SMG5: variants seen among roughly 807,000 people sequenced by gnomAD.
SMG5 encodes the protein nonsense-mediated mRNA decay factor SMG5.
In SMG5, 53 loss-of-function variants were observed where a neutral mutation model predicts 122.9. The observed-to-expected ratio is 0.43, with a 90% CI of 0.35 to 0.54. The LOEUF (loss-of-function observed/expected upper bound fraction) is 0.54. SMG5 is among the 20% of genes least tolerant of loss of function. The pLI is 0.01. For synonymous variants in SMG5, 477 were observed against 490.2 expected, an observed-to-expected ratio of 0.97 and a Z score of 0.35; for missense variants, 1,153 against 1,285.6, an observed-to-expected ratio of 0.90 and a Z score of 1.58.
At chr1:156,283,499 G>A (rs183833154), upstream of SMG5, among the ~76,000 whole-genome samples, 23 of 151,840 alleles carry the variant, frequency 1.5e-4, no homozygotes, top group Admixed American at 1.3e-3. Flanking sequence ...ATAGAAATGA[G>A]AAGCTAGTCC....
chr1:156,267,488 G>A lies in SMG5; in HGVS notation c.1099C>T (p.His367Tyr), dbSNP rs1284397876. 35 of 1,614,030 alleles carry A rather than the reference G, an allele frequency of 2.2e-5. No homozygotes were observed. The highest frequency in any genetic ancestry group is 3.0e-5 in the Non-Finnish European group (35 of 1,180,014). ...AGGTTACCTGCTCTCTCCAAGCTGT[G>A]CACACACATAAGGCAGATGATGACC... ...QMVIICLMCV[H>Y]SLERAGSKQY... Residue 367 changes from histidine (H) to tyrosine (Y), a missense_variant, in exon 10 of 22, where the codon CAC becomes TAC. Physicochemically the swap from His to Tyr is moderately conservative, Grantham distance 83. Transcript: ENST00000361813.
In SMG5 at chr1:156,279,011, C is replaced by G; in HGVS notation, c.98G>C (p.Arg33Pro). The G allele has an allele frequency of 6.2e-7, 1 of 1,614,088 alleles. No individual in the cohort carries two copies. The highest frequency in any genetic ancestry group is 8.5e-7 in the Non-Finnish European group (1 of 1,180,014). Reference sequence around the variant, plus strand: ...TTTGTTGCAAAGGATGAGGTCAAGTCGATGCACAGCCTCCACCACAGCCCT... The same window carrying G: ...TTTGTTGCAAAGGATGAGGTCAAGTGGATGCACAGCCTCCACCACAGCCCT... ...LYRAVVEAVH[R>P]LDLILCNKTA... Residue 33 changes from arginine (R) to proline (P), a missense_variant, in exon 2 of 22, where the codon CGA (arginine) becomes CCA (proline). By Grantham distance (103) the Arg-to-Pro change is moderately radical. Coordinates refer to ENST00000361813, the MANE Select transcript of SMG5 (RefSeq NM_015327.3).
upstream of SMG5, chr1:156,283,045 AG>A: frequency 2.2e-6 from 1 of 448,802 alleles, no homozygotes; most frequent in Non-Finnish European, 3.9e-6. Context: ...AGGCGGCCAA[AG>A]CTTAACTGGA....
chr1:156,285,121 T>C (rs1013378639), upstream of SMG5: 25 of 1,417,700 alleles, frequency 1.8e-5, no homozygotes, highest in Admixed American at 2.7e-5. Flanking sequence ...ATGAGTTCTG[T>C]CAACCTGTCC....
At chr1:156,259,608 C>T (rs374814779) in intron 15 of SMG5, among the ~76,000 whole-genome samples, 1 of 152,130 alleles carries the variant, frequency 6.6e-6, no homozygotes, top group Admixed American at 6.5e-5. Context: ...CAGCTCACTG[C>T]AGCCTCTACC....
At chr1:156,260,369 C>T (rs1170486163) in intron 15 of SMG5, 82 bp downstream of exon 15, 2 of 1,493,422 alleles carry the variant, frequency 1.3e-6, no homozygotes, top group Admixed American at 4.5e-5. Context: ...GCATCCTGCC[C>T]CCTCCCTCCC....
intron 7 of SMG5, among the ~76,000 whole-genome samples, chr1:156,270,865 G>C (rs913611489): frequency 6.6e-6 from 1 of 152,120 alleles, no homozygotes; most frequent in African/African-American, 2.4e-5. Flanking sequence ...AAATTAGCCA[G>C]GCGTTGTGGT....
At chr1:156,272,930 T>TG (rs1187069894) in intron 6 of SMG5, among the ~76,000 whole-genome samples, 1 of 152,172 alleles carries the variant, frequency 6.6e-6, no homozygotes, top group Non-Finnish European at 1.5e-5. Context: ...CCTGAATTGA[T>TG]GGAGTACCAT....
chr1:156,268,598 T>C (rs1662264584), intron 7 of SMG5, among the ~76,000 whole-genome samples, 183 bp from the exon 8 acceptor site: 1 of 152,196 alleles, frequency 6.6e-6, no homozygotes, highest in Non-Finnish European at 1.5e-5. Flanking sequence ...ACATAACTTC[T>C]AGATTAGTCA....
intron 10 of SMG5, among the ~76,000 whole-genome samples, chr1:156,266,931 G>A (rs991108996): frequency 1.3e-5 from 2 of 151,856 alleles, no homozygotes; most frequent in African/African-American, 4.8e-5. Flanking sequence ...GTGAGGCACT[G>A]TACGTGTCCT....
intron 16 of SMG5, among the ~76,000 whole-genome samples, chr1:156,258,614 G>A (rs907632185): frequency 2.6e-5 from 4 of 152,160 alleles, no homozygotes; most frequent in Non-Finnish European, 4.4e-5. Context: ...TGGCCTACAT[G>A]GTGAAACCCT....
chr1:156,285,861 C>T, upstream of SMG5: 1 of 1,613,894 alleles, frequency 6.2e-7, no homozygotes, highest in Non-Finnish European at 8.5e-7. Context: ...ATTCTCTTCC[C>T]TTGCCTACTA....
rs763713738 is a variant in SMG5, at chr1:156,268,092, G to A, written c.908+23C>T. 59 of 1,612,762 alleles carry A rather than the reference G, an allele frequency of 3.7e-5. No individual in the cohort carries two copies. In the South Asian group the frequency reaches 4.9e-4, roughly 14 times the overall value. ...TGGCTGGGGCTCACAGGATAGTTCAGGTTCATGCTCTCTTCCACTCACCTG... is the reference window on the plus strand; with the variant it reads ...TGGCTGGGGCTCACAGGATAGTTCAAGTTCATGCTCTCTTCCACTCACCTG... On this transcript the variant is annotated intron_variant, in intron 9 of 21. Transcript: ENST00000361813.
intron 7 of SMG5, among the ~76,000 whole-genome samples, chr1:156,271,581 T>G (rs1205654225): frequency 6.9e-6 from 1 of 144,590 alleles, no homozygotes; most frequent in African/African-American, 2.6e-5. Flanking sequence ...TTTTTTTTTT[T>G]TTTTTTTTTT....
rs193027414 is a variant in SMG5 at position 156,250,252 on chromosome 1, A to T, written c.*335T>A. 3.4e-4 allele frequency: 132 copies of T among 383,998 alleles called. No homozygotes were observed. In the East Asian group the frequency reaches 4.4e-3, roughly 13 times the overall value. The allele number at this position is 383,998 out of a possible 1,614,324, so 23.8% of individuals were successfully genotyped here. A position where few individuals can be genotyped will look rare whatever the true frequency, so the allele number is the denominator to read the frequency against. The stretch of plus-strand genomic sequence containing the variant: ...CTTTTGCTGTTCCTTCCCCTCAGAG[A>T]TCCAAGAACCCATTCCAGTGAAATG... On this transcript the variant is annotated 3_prime_UTR_variant, in exon 22 of 22. Transcript: ENST00000361813.
At position 156,270,879 on chromosome 1, in the gene SMG5, T is replaced by C. The variant is rs138413187; in HGVS notation, c.713+1441A>G. On this transcript the variant is annotated intron_variant, in intron 7 of 21. Coordinates refer to ENST00000361813, the MANE Select transcript of SMG5 (RefSeq NM_015327.3). ...AAAATTAGCCAGGCGTTGTGGTGCA[T>C]GTCTGTAATCCTAGCTACTCGAGAG... 6.6e-3 allele frequency among the ~76,000 whole-genome samples: 1,005 copies of C among 152,116 alleles called. 14 individuals are homozygous for C. The highest frequency in any genetic ancestry group is 0.022 in the African/African-American group (929 of 41,488).
chr1:156,262,116 T>C lies in SMG5; in HGVS notation c.2032-708A>G, dbSNP rs990283851. Among the ~76,000 whole-genome samples the C allele has an allele frequency of 4.6e-5, 7 of 151,912 alleles. 1 individual carries two copies. The highest frequency in any genetic ancestry group is 1.7e-4 in the African/African-American group (7 of 41,350). On this transcript the variant is annotated intron_variant, in intron 13 of 21. Transcript: ENST00000361813. ...GGCTCATGCCTGTAATCTCAGCACTTTGGGAGGCTGAGGCAGGCAGATCAC... is the reference window on the plus strand; with the variant it reads ...GGCTCATGCCTGTAATCTCAGCACTCTGGGAGGCTGAGGCAGGCAGATCAC...
the SMG5 span, chr1:156,291,443 C>G: frequency 6.2e-7 from 1 of 1,613,902 alleles, no homozygotes; most frequent in Admixed American, 1.7e-5. Flanking sequence ...CGGCTACGGC[C>G]TGACGTTTCT....
chr1:156,267,184 C>T (rs1050180678), intron 10 of SMG5, among the ~76,000 whole-genome samples: 1 of 152,200 alleles, frequency 6.6e-6, no homozygotes, highest in Non-Finnish European at 1.5e-5. Context: ...TGGATGATCA[C>T]TAAGTACCCT....
Sources: gnomAD v4.1 joint callset for allele counts (sites outside exome capture counted in the v4.1 genomes callset) on GRCh38, gnomAD v4.1.1 for gene constraint, MANE v1.5 for transcripts, NCBI Gene and HGNC (gene_info 2026-07-23, HGNC 2026-07-21) for gene names.